DHX34: variants seen among roughly 807,000 people sequenced by gnomAD.
DHX34 encodes probable ATP-dependent RNA helicase DHX34.
DHX34 carries 96 observed loss-of-function variants against 111.1 expected under a neutral mutation model. That is an observed-to-expected ratio of 0.86 (90% CI 0.73 to 1.02). The LOEUF (loss-of-function observed/expected upper bound fraction) is 1.02, where lower values mean the gene tolerates loss of function less well. DHX34 is among the 50% of genes least tolerant of loss of function. DHX34 has a pLI of 0.00. For missense variants in DHX34, 1,560 were observed against 1,579.9 expected (o/e 0.99, Z 0.21); for synonymous variants, 688 against 670.4 (o/e 1.03, Z -0.41).
In DHX34 at chr19:47,379,861, C is replaced by T; in HGVS notation, c.2858C>T (p.Ala953Val). The part of the protein sequence containing the change: ...SLRLRARWES[A>V]LDRQLAHQAQ... ...CGGCTCCGTGCCCGCTGGGAAAGTG[C>T]CCTGGACCGGCAGCTGGCGCACCAG... Residue 953 changes from alanine to valine, a missense_variant, in exon 14 of 17, where the codon GCC (alanine) becomes GTC (valine). By Grantham distance (64) the Ala-to-Val change is moderately conservative. Transcript: ENST00000328771. 1 of 1,613,724 alleles carries T rather than the reference C, an allele frequency of 6.2e-7. No individual in the cohort carries two copies. Among genetic ancestry groups the T allele is most frequent in the Non-Finnish European group, 8.5e-7 (1 of 1,179,806 alleles).
At chr19:47,379,156 T>G (rs2016430) in intron 13 of DHX34, among the ~76,000 whole-genome samples, 33,173 of 148,894 alleles carry the variant, frequency 0.22, 5,141 homozygotes, top group East Asian at 0.46. Context: ...ATAATAATAA[T>G]AATAAGAAGA....
intron 10 of DHX34, 67 bp from the exon 11 acceptor site, chr19:47,375,857 G>A: frequency 2.6e-6 from 4 of 1,543,116 alleles, no homozygotes; most frequent in East Asian, 2.3e-5. Flanking sequence ...CAGAGCCTGG[G>A]GGTCTGCGGA....
Position 47,360,477 on chromosome 19 carries a change from T to C in DHX34, c.1375+407T>C, listed in dbSNP as rs74327484. On this transcript the variant is annotated intron_variant, in intron 5 of 16. Transcript: ENST00000328771. ...ACACCTTCCAAGCCTGCTTCTGCCC[T>C]GGGGCCTTTGTACTGTTCTCTCTGC... 2.0e-3 allele frequency among the ~76,000 whole-genome samples: 310 copies of C among 152,300 alleles called. 8 individuals carry two copies. In the East Asian group the frequency reaches 0.05, roughly 25 times the overall value.
chr19:47,360,742 C>T (rs1210115413), intron 5 of DHX34, among the ~76,000 whole-genome samples: 1 of 151,950 alleles, frequency 6.6e-6, no homozygotes, highest in African/African-American at 2.4e-5. Context: ...GACTGGAGTG[C>T]AATGGTGCAA....
At chr19:47,375,236 T>G (rs1223939862) in intron 9 of DHX34, 13 of 969,934 alleles carry the variant, frequency 1.3e-5, no homozygotes, top group Non-Finnish European at 1.5e-5. Context: ...GAAAAGGCAC[T>G]GGACGCCCGC....
chr19:47,369,332 A>G (rs1969897364), intron 7 of DHX34, among the ~76,000 whole-genome samples: 1 of 151,994 alleles, frequency 6.6e-6, no homozygotes. Context: ...AGTAGTGTCA[A>G]GGTTTCACCA....
At chr19:47,370,984 TTTGGAAGGAAACAGGGC>T (rs112620632) in intron 7 of DHX34, among the ~76,000 whole-genome samples, 3 of 152,274 alleles carry the variant, frequency 2.0e-5, no homozygotes, top group African/African-American at 4.8e-5. Flanking sequence ...TCATTTTTGT[TTTGGAAGGAAACAGGGC>T]TAGAGCAGGG....
chr19:47,366,345 A>G (rs1165062653), intron 6 of DHX34, among the ~76,000 whole-genome samples: 1 of 151,608 alleles, frequency 6.6e-6, no homozygotes, highest in African/African-American at 2.4e-5. Context: ...CAGTGGTGCA[A>G]TCTCGGCTCA....
chr19:47,368,607 A>G (rs1969867228), intron 7 of DHX34, among the ~76,000 whole-genome samples: 1 of 143,132 alleles, frequency 7.0e-6, no homozygotes, highest in Non-Finnish European at 1.5e-5. Flanking sequence ...CTCCCGGTCC[A>G]TTGAATGTGT....
At chr19:47,380,719 A>T in intron 14 of DHX34, 97 bp from the exon 15 acceptor site, 2 of 1,544,256 alleles carry the variant, frequency 1.3e-6, no homozygotes, top group South Asian at 2.5e-5. Flanking sequence ...CGTAACTGCA[A>T]AGCCCGAGGG....
intron 5 of DHX34, among the ~76,000 whole-genome samples, chr19:47,361,587 T>C (rs1464140788): frequency 5.3e-5 from 8 of 152,138 alleles, no homozygotes. Context: ...AAGACCAGCC[T>C]GGCCAACATG....
intron 6 of DHX34, among the ~76,000 whole-genome samples, chr19:47,363,612 G>A (rs569021556): frequency 6.6e-6 from 1 of 152,000 alleles, no homozygotes; most frequent in African/African-American, 2.4e-5. Flanking sequence ...GATACCAGGA[G>A]TTTGAGACCA....
intron 5 of DHX34, 81 bp from the exon 6 acceptor site, chr19:47,362,395 G>T: frequency 7.1e-7 from 1 of 1,410,028 alleles, no homozygotes; most frequent in Non-Finnish European, 9.3e-7. Flanking sequence ...GAGGGTGTTG[G>T]CGAGTGACAA....
At position 47,377,215 on chromosome 19, in the gene DHX34, C is replaced by G; in HGVS notation, c.2706+9C>G. The G allele has an allele frequency of 6.2e-7, 1 of 1,609,874 alleles. No homozygotes were observed. The highest frequency in any genetic ancestry group is 8.5e-7 in the Non-Finnish European group (1 of 1,178,056). On this transcript the variant is annotated intron_variant, in intron 13 of 16. Coordinates refer to ENST00000328771, the MANE Select transcript of DHX34 (RefSeq NM_014681.6). ...GCATCCCTGCCCTCCAGGTGGGCCT[C>G]TGCCCCACCCCGCCCCCATGCCCAG...
chr19:47,377,927 C>G (rs1446220592), intron 13 of DHX34, among the ~76,000 whole-genome samples: 1 of 152,152 alleles, frequency 6.6e-6, no homozygotes, highest in Non-Finnish European at 1.5e-5. Flanking sequence ...GCCCCTAGTG[C>G]TCCTCGAGCG....
intron 4 of DHX34, among the ~76,000 whole-genome samples, chr19:47,358,682 G>A (rs1203052867): frequency 2.6e-5 from 4 of 151,912 alleles, no homozygotes; most frequent in Admixed American, 1.3e-4. Context: ...TGGCATGATC[G>A]TGGCTTACTG....
chr19:47,381,194 A>AG lies in DHX34; in HGVS notation c.3169dup (p.Asp1057GlyfsTer31). Reference sequence around the variant, plus strand: ...CAGCTGGCCTGCCACAGAATGACACAGACCTGTACAGCGACTGTCTCCGAA... The same window carrying AG: ...CAGCTGGCCTGCCACAGAATGACACAGGACCTGTACAGCGACTGTCTCCGAA... On this transcript the variant is annotated frameshift_variant, in exon 16 of 17. Transcript: ENST00000328771. LOFTEE classifies it high-confidence loss of function. The AG allele has an allele frequency of 6.2e-7, 1 of 1,614,022 alleles. No homozygotes were observed. The highest frequency in any genetic ancestry group is 8.5e-7 in the Non-Finnish European group (1 of 1,179,904).
At chr19:47,359,506 G>T (rs2463094) in intron 4 of DHX34, among the ~76,000 whole-genome samples, 14,686 of 151,828 alleles carry the variant, frequency 0.097, 968 homozygotes, top group African/African-American at 0.18. Context: ...GGGGGAGCAG[G>T]TGTGGTGGCT....
At chr19:47,378,636 C>T (rs1322599224) in intron 13 of DHX34, among the ~76,000 whole-genome samples, 5 of 152,094 alleles carry the variant, frequency 3.3e-5, no homozygotes, top group Non-Finnish European at 5.9e-5. Flanking sequence ...TCAAAGGCAG[C>T]CTGGGCAACA....
Sources: allele counts gnomAD v4.1 joint callset (sites outside exome capture counted in the v4.1 genomes callset), GRCh38; gene constraint gnomAD v4.1.1; transcripts MANE v1.5; gene names NCBI Gene and HGNC (gene_info 2026-07-23, HGNC 2026-07-21).